CPOX: variants seen among roughly 807,000 people sequenced by gnomAD.
CPOX encodes oxygen-dependent coproporphyrinogen-III oxidase, mitochondrial.
CPOX carries 24 observed loss-of-function variants against 48.9 expected under a neutral mutation model. That is an observed-to-expected ratio of 0.49 (90% CI 0.36 to 0.69). CPOX has a LOEUF of 0.69. CPOX is among the 30% of genes least tolerant of loss of function. CPOX has a pLI of 0.00. For missense variants in CPOX, 549 were observed against 597.3 expected (o/e 0.92, Z 0.84); for synonymous variants, 249 against 234.6 (o/e 1.06, Z -0.56).
chr3:98,585,886 T>A (rs1228706547), intron 4 of CPOX: 3 of 476,636 alleles, frequency 6.3e-6, no homozygotes, highest in Non-Finnish European at 1.2e-5. Flanking sequence ...TTTCTTTTTT[T>A]TTTTGAGACG....
At chr3:98,581,327 G>T in intron 6 of CPOX, 80 bp downstream of exon 6, 2 of 991,444 alleles carry the variant, frequency 2.0e-6, no homozygotes, top group South Asian at 1.3e-5. Context: ...CACAACATCT[G>T]CAGTGTTAAC....
chr3:98,580,044 G>T lies in CPOX; in HGVS notation c.*639C>A, dbSNP rs1213981813. 2.0e-6 allele frequency: 2 copies of T among 982,470 alleles called. No individual in the cohort carries two copies. The highest frequency in any genetic ancestry group is 2.4e-6 in the Non-Finnish European group (2 of 826,994). 60.9% of individuals were successfully genotyped at this position (982,470 alleles called of 1,614,324 possible). The stretch of plus-strand genomic sequence containing the variant: ...CAACTTAGACATCTCTAAAATAATA[G>T]TAATGTCACTTTAGAGTTTACAAAC... On this transcript the variant is annotated 3_prime_UTR_variant, in exon 7 of 7. Coordinates refer to ENST00000647941, the MANE Select transcript of CPOX (RefSeq NM_000097.7).
chr3:98,583,504 C>T (rs1427850701), intron 5 of CPOX, among the ~76,000 whole-genome samples: 1 of 152,154 alleles, frequency 6.6e-6, no homozygotes, highest in African/African-American at 2.4e-5. Flanking sequence ...TAACCAATCC[C>T]TTCAATTTAA....
chr3:98,590,513 G>A, intron 3 of CPOX, 119 bp downstream of exon 3: 3 of 768,042 alleles, frequency 3.9e-6, no homozygotes, highest in Non-Finnish European at 6.8e-6. Context: ...CCTTTACATT[G>A]CCTCCTGAAA....
At chr3:98,575,945 G>A (rs1163738961), downstream of CPOX, among the ~76,000 whole-genome samples, 1 of 152,046 alleles carries the variant, frequency 6.6e-6, no homozygotes, top group African/African-American at 2.4e-5. Flanking sequence ...GCTGGCACAT[G>A]CCTGTAATCC....
chr3:98,593,398 C>T lies in CPOX; in HGVS notation c.107G>A (p.Arg36Gln). Residue 36 changes from arginine to glutamine, a missense_variant, in exon 1 of 7, where the codon CGA (arginine) becomes CAA (glutamine). Physicochemically the swap from Arg to Gln is conservative, Grantham distance 43. Transcript: ENST00000647941. ...GGCTGCGCTGCGCTGGGACCAGGCT[C>T]GGAGCCCTCCGCCGCCGCACTGGGA... ...AWSQCGGGGL[R>Q]AWSQRSAAGR... is the part of the protein sequence containing the mutation. 1.4e-6 allele frequency: 2 copies of T among 1,418,644 alleles called. No individual in the cohort carries two copies. The highest frequency in any genetic ancestry group is 9.1e-7 in the Non-Finnish European group (1 of 1,095,444). The allele number at this position is 1,418,644 out of a possible 1,614,324, so 87.9% of individuals were successfully genotyped here. A position where few individuals can be genotyped will look rare whatever the true frequency, so the allele number is the denominator to read the frequency against.
rs35909472 is a variant in CPOX, at chr3:98,591,241, C to T, written c.557-86G>A. The stretch of plus-strand genomic sequence containing the variant: ...ACTTGCATGAAGATGGTTATTTTCC[C>T]GTTTCCCAAATCTTTTATATCAGTG... On this transcript the variant is annotated intron_variant, in intron 1 of 6. Transcript: ENST00000647941. 111,965 of 1,433,860 alleles carry T rather than the reference C, an allele frequency of 0.078. 5,040 individuals carry two copies. Among genetic ancestry groups the T allele is most frequent in the Non-Finnish European group, 0.094 (95,948 of 1,019,434 alleles). The allele number at this position is 1,433,860 out of a possible 1,614,324, so 88.8% of individuals were successfully genotyped here.
Position 98,580,666 on chromosome 3 carries a change from C to A in CPOX, c.*17G>T. The stretch of plus-strand genomic sequence containing the variant: ...ATCGTGTGCCCTCCAAACCCCTGCA[C>A]AGCCATTCTGCCTGCATCAACGCAC... On this transcript the variant is annotated 3_prime_UTR_variant, in exon 7 of 7. Transcript: ENST00000647941. 2 of 1,614,102 alleles carry A rather than the reference C, an allele frequency of 1.2e-6. No individual in the cohort carries two copies. Among genetic ancestry groups the A allele is most frequent in the Non-Finnish European group, 1.7e-6 (2 of 1,179,972 alleles).
In CPOX at chr3:98,593,327, G is replaced by C. The variant is rs780436492; in HGVS notation, c.178C>G (p.Arg60Gly). 189 of 1,374,510 alleles carry C rather than the reference G, an allele frequency of 1.4e-4. 2 individuals are homozygous for C. The South Asian group carries it at 2.7e-3, about 20-fold the overall frequency. 85.1% of individuals were successfully genotyped at this position (1,374,510 alleles called of 1,614,324 possible). Residue 60 changes from arginine (R) to glycine (G), a missense_variant, in exon 1 of 7, where the codon CGC (arginine) becomes GGC (glycine). Arg to Gly is a moderately radical substitution (Grantham distance 125). This residue lies in a region of CPOX where 336 missense variants were observed against 318.1 expected (regional missense o/e 1.06). Coordinates refer to ENST00000647941, the MANE Select transcript of CPOX (RefSeq NM_000097.7). ...PPGPAGTEQS[R>G]GLGHGSTSRG... ...GACGTCGAGCCGTGCCCCAGCCCGCGGCTCTGCTCCGTGCCAGCCGGGCCA... is the reference window on the plus strand; with the variant it reads ...GACGTCGAGCCGTGCCCCAGCCCGCCGCTCTGCTCCGTGCCAGCCGGGCCA...
In CPOX at chr3:98,592,914, T is replaced by G. The variant is rs1005526004; in HGVS notation, c.556+35A>C. The G allele has an allele frequency of 3.1e-6, 5 of 1,592,654 alleles. No homozygotes were observed. In the African/African-American group the frequency reaches 6.8e-5, roughly 22 times the overall value. ...AACCTGGAACCTGACCCTTTTTCCCTGTCTCCAACTCCCGCCAGGGGCCGG... is the reference window on the plus strand; with the variant it reads ...AACCTGGAACCTGACCCTTTTTCCCGGTCTCCAACTCCCGCCAGGGGCCGG... On this transcript the variant is annotated intron_variant, in intron 1 of 6. Coordinates refer to ENST00000647941, the MANE Select transcript of CPOX (RefSeq NM_000097.7).
chr3:98,572,027 T>C, the CPOX span, among the ~76,000 whole-genome samples: 2 of 152,222 alleles, frequency 1.3e-5, no homozygotes, highest in African/African-American at 4.8e-5. Context: ...AAGGGTTGTC[T>C]CTATTTTCAG....
At position 98,579,532 on chromosome 3, in the gene CPOX, A is replaced by C. The variant is rs1450607034; in HGVS notation, c.*1151T>G. ...TACATTTTCCAGCCCCAAAAAGGCC[A>C]CACAGAATCACAAACATTCAACGTG... On this transcript the variant is annotated 3_prime_UTR_variant, in exon 7 of 7. Transcript: ENST00000647941. 124 of 985,214 alleles carry C rather than the reference A, an allele frequency of 1.3e-4. No individual in the cohort carries two copies. Among genetic ancestry groups the C allele is most frequent in the Non-Finnish European group, 1.4e-4 (119 of 829,798 alleles). The allele number at this position is 985,214 out of a possible 1,614,324, so 61.0% of individuals were successfully genotyped here.
At chr3:98,576,198 T>C (rs1707160672), downstream of CPOX, among the ~76,000 whole-genome samples, 1 of 151,852 alleles carries the variant, frequency 6.6e-6, no homozygotes, top group South Asian at 2.1e-4. Context: ...GAGGTTTAAT[T>C]GACTCATAGT....
In CPOX at chr3:98,588,707, A is replaced by C; in HGVS notation, c.953+6T>G. ...GGGGTCATGAAAGTTCAGTAACTTT[A>C]CCTACCATTTTTTAAATTTGGGGTA... On this transcript the variant is annotated splice_donor_region_variant and intron_variant, in intron 4 of 6. Transcript: ENST00000647941. The C allele has an allele frequency of 6.2e-7, 1 of 1,614,178 alleles. No homozygotes were observed. The highest frequency in any genetic ancestry group is 8.5e-7 in the Non-Finnish European group (1 of 1,180,010).
intron 5 of CPOX, among the ~76,000 whole-genome samples, chr3:98,583,092 G>T (rs1178533103): frequency 2.6e-5 from 4 of 152,040 alleles, no homozygotes. Flanking sequence ...AGTTTATATT[G>T]ATGTATTTGA....
chr3:98,585,406 T>G, intron 5 of CPOX, 35 bp downstream of exon 5: 1 of 1,563,538 alleles, frequency 6.4e-7, no homozygotes, highest in Non-Finnish European at 8.8e-7. Flanking sequence ...CCTCCCCCAC[T>G]TAGCCATGAA....
rs201112606 is a variant in CPOX at position 98,589,359 on chromosome 3, GAAGA to G, written c.812-509_812-506del. Among the ~76,000 whole-genome samples the G allele has an allele frequency of 8.1e-3, 1,237 of 152,042 alleles. 22 individuals carry two copies. Among genetic ancestry groups the G allele is most frequent in the African/African-American group, 0.028 (1,156 of 41,502 alleles). On this transcript the variant is annotated intron_variant, in intron 3 of 6. Transcript: ENST00000647941. Reference sequence around the variant, plus strand: ...AACAAAACAAAACAACAAGAAAAAAGAAGAAAGAAAGAAAGACAGTGGAACTTGC... The same window carrying G: ...AACAAAACAAAACAACAAGAAAAAAGAAGAAAGAAAGACAGTGGAACTTGC...
downstream of CPOX, among the ~76,000 whole-genome samples, chr3:98,576,554 A>G (rs1198110978): frequency 6.6e-6 from 1 of 152,208 alleles, no homozygotes; most frequent in Non-Finnish European, 1.5e-5. Flanking sequence ...TAACAATACA[A>G]GGGAATTTAG....
At chr3:98,592,530 C>A (rs1707499944) in intron 1 of CPOX, among the ~76,000 whole-genome samples, 1 of 152,084 alleles carries the variant, frequency 6.6e-6, no homozygotes, top group African/African-American at 2.4e-5. Context: ...ACTTAGCGCA[C>A]AGGAGATGAG....
Sources: gnomAD v4.1 joint callset for allele counts (sites outside exome capture counted in the v4.1 genomes callset) on GRCh38, gnomAD v4.1.1 for gene constraint, gnomAD v4.1.1 regional missense constraint, MANE v1.5 for transcripts, NCBI Gene and HGNC (gene_info 2026-07-23, HGNC 2026-07-21) for gene names.